FRYL: variants seen among roughly 807,000 people sequenced by gnomAD.
FRYL encodes FRY like transcription coactivator.
A neutral mutation model predicts 351.2 loss-of-function variants in FRYL; 150 were observed. The ratio of observed to expected loss-of-function variants is 0.43; its 90% confidence interval spans 0.37 to 0.49. The LOEUF is 0.49. Among genes scored for constraint, FRYL ranks in the 20% least tolerant of loss-of-function variants. The probability of loss-of-function intolerance (pLI) is 0.00; values close to 1 mark genes in which losing one functional copy is unlikely to be tolerated. For missense variants in FRYL, 3,036 were observed against 3,619.3 expected (o/e 0.84, Z 4.13); for synonymous variants, 1,153 against 1,257.1 (o/e 0.92, Z 1.75).
intron 1 of FRYL, among the ~76,000 whole-genome samples, chr4:48,762,248 T>G (rs1215944722): frequency 6.6e-6 from 1 of 152,204 alleles, no homozygotes; most frequent in Admixed American, 6.5e-5. Flanking sequence ...TTCCCCAAAG[T>G]GTAATATATT....
chr4:48,539,721 AAG>A (rs777759777), intron 47 of FRYL, among the ~76,000 whole-genome samples: 7 of 152,198 alleles, frequency 4.6e-5, no homozygotes, highest in Non-Finnish European at 5.9e-5. Flanking sequence ...AGTATGGAAA[AAG>A]AGCAGAAAAA....
In FRYL at chr4:48,544,000, G is replaced by A; in HGVS notation, c.5402-3C>T. 6.2e-7 allele frequency: 1 copy of A among 1,612,728 alleles called. No individual in the cohort carries two copies. Among genetic ancestry groups the A allele is most frequent in the Non-Finnish European group, 8.5e-7 (1 of 1,178,986 alleles). On this transcript the variant is annotated splice_region_variant and splice_polypyrimidine_tract_variant and intron_variant, in intron 43 of 63. Coordinates refer to ENST00000358350, the MANE Select transcript of FRYL (RefSeq NM_015030.2). Reference sequence around the variant, plus strand: ...ATGATGTTCCAGATGAATTCCTTCTGTGAATGCAAAGGAAACGAGTAGGTT... The same window carrying A: ...ATGATGTTCCAGATGAATTCCTTCTATGAATGCAAAGGAAACGAGTAGGTT...
At chr4:48,668,400 A>AAAAAG (rs1762114333) in intron 3 of FRYL, among the ~76,000 whole-genome samples, 1 of 151,638 alleles carries the variant, frequency 6.6e-6, no homozygotes, top group Non-Finnish European at 1.5e-5. Flanking sequence ...AAAAAAAAAA[A>AAAAAG]AAAGAAAGAA....
chr4:48,713,480 G>A (rs1768355573), intron 1 of FRYL, among the ~76,000 whole-genome samples: 1 of 152,114 alleles, frequency 6.6e-6, no homozygotes, highest in Non-Finnish European at 1.5e-5. Flanking sequence ...CCTAGTCTCT[G>A]ATAATACAGA....
At chr4:48,715,123 C>A (rs1455603083) in intron 1 of FRYL, among the ~76,000 whole-genome samples, 1 of 151,984 alleles carries the variant, frequency 6.6e-6, no homozygotes, top group Non-Finnish European at 1.5e-5. Context: ...GGACGTATCT[C>A]AAAATAATAA....
chr4:48,549,420 A>G lies in FRYL; in HGVS notation c.4784+53T>C. ...GTCAGATAGCACAAAGAAAGCCGAC[A>G]GTGTTCAGCAGCAACTTGGTGCATA... On this transcript the variant is annotated intron_variant, in intron 39 of 63. Transcript: ENST00000358350. The surrounding 1 kb of genome is among the most constrained non-coding windows in gnomAD (Gnocchi z 4.2). The G allele has an allele frequency of 6.5e-7, 1 of 1,527,244 alleles. No individual in the cohort carries two copies. The highest frequency in any genetic ancestry group is 8.9e-7 in the Non-Finnish European group (1 of 1,129,062). The allele number at this position is 1,527,244 out of a possible 1,614,324, so 94.6% of individuals were successfully genotyped here.
chr4:48,711,047 G>T (rs1260611367), intron 1 of FRYL, among the ~76,000 whole-genome samples: 5 of 152,192 alleles, frequency 3.3e-5, no homozygotes, highest in Non-Finnish European at 5.9e-5. Context: ...CTACAACATG[G>T]ATGAATCCTA....
chr4:48,536,834 A>G (rs1213894237), intron 47 of FRYL, among the ~76,000 whole-genome samples: 2 of 152,196 alleles, frequency 1.3e-5, no homozygotes, highest in Non-Finnish European at 2.9e-5. Context: ...GAATATCACT[A>G]ATTTTGGTAA....
At chr4:48,707,321 T>C (rs1412777907) in intron 2 of FRYL, among the ~76,000 whole-genome samples, 1 of 152,222 alleles carries the variant, frequency 6.6e-6, no homozygotes, top group Non-Finnish European at 1.5e-5. Flanking sequence ...AGAGTGTTCA[T>C]AGCAATTTTA....
rs139443060 is a variant in FRYL, at chr4:48,657,292, T to G, written c.-80-22802A>C. On this transcript the variant is annotated intron_variant, in intron 3 of 63. Coordinates refer to ENST00000358350, the MANE Select transcript of FRYL (RefSeq NM_015030.2). ...ATCAAGCCATCCTCCCACCTCAGCC[T>G]TTCAAGCAGCTGGGTAGACAGGTGC... Among the ~76,000 whole-genome samples, 792 of 152,016 alleles carry G rather than the reference T, an allele frequency of 5.2e-3. 7 individuals carry two copies. Among genetic ancestry groups the G allele is most frequent in the African/African-American group, 0.019 (769 of 41,468 alleles).
intron 1 of FRYL, among the ~76,000 whole-genome samples, chr4:48,715,161 A>G (rs1429807530): frequency 1.3e-5 from 2 of 151,950 alleles, no homozygotes; most frequent in African/African-American, 2.4e-5. Context: ...CCCACAGCCC[A>G]TATCATACTG....
At chr4:48,593,882 TAA>T in intron 16 of FRYL, 46 bp downstream of exon 16, 3 of 838,204 alleles carry the variant, frequency 3.6e-6, no homozygotes, top group East Asian at 3.4e-5. Context: ...ATCATGCTCT[TAA>T]AAAAAAAATC....
In FRYL at chr4:48,578,983, C is replaced by A; in HGVS notation, c.2518G>T (p.Val840Phe). 2 of 1,607,488 alleles carry A rather than the reference C, an allele frequency of 1.2e-6. No homozygotes were observed. The highest frequency in any genetic ancestry group is 1.7e-6 in the Non-Finnish European group (2 of 1,177,468). ...YTRLQLLSPQ[V>F]DINSPINAKK... Reference sequence around the variant, plus strand: ...AGGAAAATAACTTACTTTATATCGACCTGAGGGGACAACAACTGAAGTCTT... The same window carrying A: ...AGGAAAATAACTTACTTTATATCGAACTGAGGGGACAACAACTGAAGTCTT... The change falls in exon 23 of 64, where the codon GTC becomes TTC. Residue 840 changes from valine (V) to phenylalanine (F), a missense_variant. Around this residue, in one of 7 missense-constraint regions of FRYL, gnomAD observed 492 missense variants for 551.5 expected, o/e 0.89. Coordinates refer to ENST00000358350, the MANE Select transcript of FRYL (RefSeq NM_015030.2).
intron 45 of FRYL, 63 bp downstream of exon 45, chr4:48,541,964 T>C (rs1730271092): frequency 5.6e-6 from 6 of 1,074,462 alleles, no homozygotes; most frequent in Non-Finnish European, 8.6e-6. Context: ...TTAAAAGTTA[T>C]AGCTATATGT....
At chr4:48,769,841 T>G (rs1775331488) in intron 1 of FRYL, among the ~76,000 whole-genome samples, 2 of 152,216 alleles carry the variant, frequency 1.3e-5, no homozygotes, top group Non-Finnish European at 2.9e-5. Context: ...ACATACAGTA[T>G]GATTCCATTT....
chr4:48,561,633 G>A lies in FRYL; in HGVS notation c.3700C>T (p.Leu1234=), dbSNP rs529372825. Residue 1234 remains leucine (L), a synonymous_variant, in exon 33 of 64, where the codon CTG becomes TTG. Coordinates refer to ENST00000358350, the MANE Select transcript of FRYL (RefSeq NM_015030.2). ...YEVAMQLLQI[L]EPKMFRYAHK... is the part of the protein sequence containing the mutation. Reference sequence around the variant, plus strand: ...GCATAGCGAAACATCTTCGGTTCCAGAATCTATAGGAATGTGATTCCATCA... The same window carrying A: ...GCATAGCGAAACATCTTCGGTTCCAAAATCTATAGGAATGTGATTCCATCA... The A allele has an allele frequency of 6.2e-7, 1 of 1,603,754 alleles. No individual in the cohort carries two copies. The highest frequency in any genetic ancestry group is 8.5e-7 in the Non-Finnish European group (1 of 1,174,356).
chr4:48,750,900 A>G (rs1949422), intron 1 of FRYL, among the ~76,000 whole-genome samples: 149,370 of 152,272 alleles, frequency 0.98, 73,323 homozygotes, highest in South Asian at 1. Context: ...TATAAATTCA[A>G]GGAAACCAGA....
chr4:48,554,322 T>C (rs1002151860), intron 35 of FRYL, among the ~76,000 whole-genome samples: 6 of 152,110 alleles, frequency 3.9e-5, no homozygotes, highest in African/African-American at 1.4e-4. Flanking sequence ...AAACATGATT[T>C]ATTATATCCC....
chr4:48,704,380 A>G (rs938508780), intron 2 of FRYL, among the ~76,000 whole-genome samples: 1 of 152,252 alleles, frequency 6.6e-6, no homozygotes, highest in Non-Finnish European at 1.5e-5. Flanking sequence ...AAAACCCTCA[A>G]AATTTGACAA....
Sources: gnomAD v4.1 joint callset for allele counts (sites outside exome capture counted in the v4.1 genomes callset) on GRCh38, gnomAD v4.1.1 for gene constraint, gnomAD v4.1.1 regional missense constraint, Gnocchi (gnomAD v3.1) non-coding constraint, MANE v1.5 for transcripts, NCBI Gene and HGNC (gene_info 2026-07-23, HGNC 2026-07-21) for gene names.